Variants in ABCC2 observed in about 807,000 individuals in gnomAD.
The protein encoded by ABCC2 is ATP binding cassette subfamily C member 2, also known as ATP-binding cassette sub-family C member 2.
Under a neutral mutation model 173.4 loss-of-function variants are expected in ABCC2, and 157 were observed. That is an observed-to-expected ratio of 0.91 (90% CI 0.80 to 1.03). The LOEUF (loss-of-function observed/expected upper bound fraction) is 1.03. Ranked by LOEUF, ABCC2 falls within the 50% of genes least tolerant of loss-of-function variation. The pLI is 0.00. For missense variants in ABCC2, 1,822 were observed against 1,852.3 expected, an observed-to-expected ratio of 0.98 and a Z score of 0.30; for synonymous variants, 657 against 693.5, an observed-to-expected ratio of 0.95 and a Z score of 0.83.
chr10:99,842,052 A>G lies in ABCC2; in HGVS notation c.3700A>G (p.Ser1234Gly). Reference sequence around the variant, plus strand: ...GATGGTTATTTATAGAGATACCCTAAGTGGGGACACTGTTGGCTTTGTTCT... The same window carrying G: ...GATGGTTATTTATAGAGATACCCTAGGTGGGGACACTGTTGGCTTTGTTCT... ...LMMVIYRDTL[S>G]GDTVGFVLSN... The change falls in exon 26 of 32, where the codon AGT becomes GGT. Residue 1234 changes from serine to glycine, a missense_variant. By Grantham distance (56) the Ser-to-Gly change is moderately conservative (BLOSUM62 0). Transcript: ENST00000647814. 1 of 1,614,194 alleles carries G rather than the reference A, an allele frequency of 6.2e-7. No homozygotes were observed. Among genetic ancestry groups the G allele is most frequent in the African/African-American group, 1.3e-5 (1 of 75,050 alleles).
At chr10:99,785,982 C>T (rs1363872652) in intron 2 of ABCC2, among the ~76,000 whole-genome samples, 1 of 152,066 alleles carries the variant, frequency 6.6e-6, no homozygotes, top group Non-Finnish European at 1.5e-5. Flanking sequence ...TGGGGTTGAT[C>T]GTGGGTTTTA....
At chr10:99,846,937 GC>G (rs780827785) in intron 29 of ABCC2, 23 bp from the exon 30 acceptor site, 18 of 1,613,778 alleles carry the variant, frequency 1.1e-5, no homozygotes, top group Admixed American at 1.7e-5. Flanking sequence ...AGCCCCAACA[GC>G]CCCCTTGTCC....
chr10:99,803,037 C>T (rs928903088), intron 9 of ABCC2, among the ~76,000 whole-genome samples: 4 of 152,176 alleles, frequency 2.6e-5, no homozygotes, highest in Admixed American at 6.5e-5. Context: ...GGCATGATCT[C>T]GGCTCACTGC....
chr10:99,834,284 C>T, intron 23 of ABCC2, 96 bp from the exon 24 acceptor site: 1 of 1,293,656 alleles, frequency 7.7e-7, no homozygotes. Flanking sequence ...ACTGGGAACA[C>T]ACAGAATCCA....
intron 25 of ABCC2, among the ~76,000 whole-genome samples, chr10:99,840,345 A>G (rs2038915715): frequency 1.4e-5 from 2 of 144,058 alleles, no homozygotes; most frequent in African/African-American, 5.0e-5. Context: ...CTGGCTCCGC[A>G]CTGCCCCGGG....
intron 28 of ABCC2, among the ~76,000 whole-genome samples, chr10:99,845,196 A>AT (rs994717569): frequency 2.6e-5 from 4 of 151,518 alleles, no homozygotes; most frequent in South Asian, 2.1e-4. Context: ...TGTCTGGCTA[A>AT]TTTTTTTTGT....
rs762263251 is a variant in ABCC2, at chr10:99,817,455, G to A, written c.2242G>A (p.Gly748Arg). The stretch of plus-strand genomic sequence containing the variant: ...CCTCCCAGACTTGGAAATGCTGCCT[G>A]GAGGAGATTTGGCTGAGATTGGAGA... ...ALLPDLEMLP[G>R]GDLAEIGEKG... is the part of the protein sequence containing the mutation. The change falls in exon 17 of 32, where the codon GGA (glycine) becomes AGA (arginine). Residue 748 changes from glycine (G) to arginine (R), a missense_variant. Physicochemically the swap from Gly to Arg is moderately radical, Grantham distance 125. Coordinates refer to ENST00000647814, the MANE Select transcript of ABCC2 (RefSeq NM_000392.5). 6.2e-7 allele frequency: 1 copy of A among 1,614,148 alleles called. No homozygotes were observed. Among genetic ancestry groups the A allele is most frequent in the South Asian group, 1.1e-5 (1 of 91,086 alleles).
intron 6 of ABCC2, chr10:99,794,734 G>T (rs551722734): frequency 2.5e-6 from 1 of 394,000 alleles, no homozygotes; most frequent in Non-Finnish European, 4.7e-6. Flanking sequence ...TAGTAGAGAC[G>T]GGGTTTCACC....
At chr10:99,821,860 G>A (rs1017481599) in intron 19 of ABCC2, among the ~76,000 whole-genome samples, 1 of 151,912 alleles carries the variant, frequency 6.6e-6, no homozygotes, top group Non-Finnish European at 1.5e-5. Flanking sequence ...GATGGTCGCT[G>A]TCTCTTCGGA....
intron 15 of ABCC2, 145 bp from the exon 16 acceptor site, chr10:99,812,873 G>T: frequency 1.0e-6 from 1 of 977,054 alleles, no homozygotes. Context: ...AAGCACTTTG[G>T]GGTCTTGTAT....
At chr10:99,834,251 A>G in intron 23 of ABCC2, 129 bp from the exon 24 acceptor site, 2 of 960,348 alleles carry the variant, frequency 2.1e-6, no homozygotes, top group Non-Finnish European at 3.3e-6. Flanking sequence ...AATGAACACA[A>G]TGAAATGATT....
chr10:99,835,206 CAAT>C (rs1339626696), intron 24 of ABCC2, among the ~76,000 whole-genome samples: 1 of 152,186 alleles, frequency 6.6e-6, no homozygotes, highest in Non-Finnish European at 1.5e-5. Context: ...CCTGGGGAAA[CAAT>C]TCTGAAGACA....
intron 1 of ABCC2, among the ~76,000 whole-genome samples, chr10:99,783,569 C>T (rs1174770821): frequency 2.0e-5 from 3 of 152,196 alleles, no homozygotes; most frequent in African/African-American, 7.2e-5. Context: ...GAGAAAGTAT[C>T]ATCTGCAAAC....
At chr10:99,813,360 G>A (rs2038250431) in intron 16 of ABCC2, among the ~76,000 whole-genome samples, 1 of 152,166 alleles carries the variant, frequency 6.6e-6, no homozygotes, top group East Asian at 1.9e-4. Context: ...AGCTCTAAAG[G>A]TGATTCTCAT....
chr10:99,840,957 G>A (rs975198313), intron 25 of ABCC2, among the ~76,000 whole-genome samples: 2 of 151,962 alleles, frequency 1.3e-5, no homozygotes, highest in Non-Finnish European at 2.9e-5. Context: ...GGCATCCTGA[G>A]GTGTGAACCA....
intron 17 of ABCC2, among the ~76,000 whole-genome samples, chr10:99,818,116 G>A (rs1281661325): frequency 1.3e-5 from 2 of 152,072 alleles, no homozygotes; most frequent in South Asian, 2.1e-4. Flanking sequence ...CCAGCTACTC[G>A]GGAGGCTGAG....
At chr10:99,782,904 T>C in intron 1 of ABCC2, 27 bp downstream of exon 1, 1 of 1,612,508 alleles carries the variant, frequency 6.2e-7, no homozygotes, top group Non-Finnish European at 8.5e-7. Context: ...ATCTTCATAT[T>C]GACTCTTCTC....
intron 2 of ABCC2, among the ~76,000 whole-genome samples, chr10:99,785,314 G>A (rs895198439): frequency 2.0e-5 from 3 of 152,124 alleles, no homozygotes; most frequent in Non-Finnish European, 2.9e-5. Context: ...TGACAAGCAC[G>A]AGTAGGGAAA....
intron 21 of ABCC2, 88 bp from the exon 22 acceptor site, chr10:99,831,523 C>T: frequency 7.5e-7 from 1 of 1,331,434 alleles, no homozygotes; most frequent in Non-Finnish European, 1.1e-6. Flanking sequence ...CCAGGGGACT[C>T]CACTTCTCCT....
Sources: gnomAD v4.1 joint callset for allele counts (sites outside exome capture counted in the v4.1 genomes callset) on GRCh38, gnomAD v4.1.1 for gene constraint, MANE v1.5 for transcripts, NCBI Gene and HGNC (gene_info 2026-07-23, HGNC 2026-07-21) for gene names.